The following SLC16A10 variants were observed in gnomAD, a reference collection of about 807,000 sequenced individuals.
The protein encoded by SLC16A10 is monocarboxylate transporter 10.
Under a neutral mutation model 40.0 loss-of-function variants are expected in SLC16A10, and 27 were observed. The ratio of observed to expected loss-of-function variants is 0.67; its 90% CI spans 0.50 to 0.93. The LOEUF (loss-of-function observed/expected upper bound fraction) is 0.93. SLC16A10 is among the 40% of genes least tolerant of loss of function. The probability of loss-of-function intolerance (pLI) is 0.00; values close to 1 mark genes in which losing one functional copy is unlikely to be tolerated. For synonymous variants in SLC16A10, 213 were observed against 249.8 expected (o/e 0.85, Z 1.39); for missense variants, 529 against 658.2 (o/e 0.80, Z 2.15).
chr6:111,121,530 C>G (rs1355541085), intron 1 of SLC16A10, among the ~76,000 whole-genome samples: 1 of 152,230 alleles, frequency 6.6e-6, no homozygotes, highest in East Asian at 1.9e-4. Context: ...CACTGCACCC[C>G]AGCTTGGGTG....
At chr6:111,130,642 A>C (rs1171748933) in intron 1 of SLC16A10, among the ~76,000 whole-genome samples, 1 of 152,010 alleles carries the variant, frequency 6.6e-6, no homozygotes, top group Non-Finnish European at 1.5e-5. Context: ...ACTTACCAGC[A>C]CCTCTGTTTC....
intron 1 of SLC16A10, among the ~76,000 whole-genome samples, chr6:111,135,452 A>C (rs1017823891): frequency 4.1e-4 from 63 of 152,146 alleles, no homozygotes; most frequent in Admixed American, 8.5e-4. Flanking sequence ...TTAGTGCAAG[A>C]TCTCAGGATT....
At chr6:111,106,386 T>G (rs1004304923) in intron 1 of SLC16A10, among the ~76,000 whole-genome samples, 3 of 152,222 alleles carry the variant, frequency 2.0e-5, no homozygotes, top group African/African-American at 7.2e-5. Flanking sequence ...TTTTGTACTT[T>G]GATTAGGAAA....
chr6:111,199,571 A>C (rs1773135081), intron 3 of SLC16A10, among the ~76,000 whole-genome samples: 1 of 152,208 alleles, frequency 6.6e-6, no homozygotes, highest in Admixed American at 6.5e-5. Context: ...TAACTTGTGA[A>C]ATATCTGGCA....
At chr6:111,213,961 A>G (rs548712260) in intron 4 of SLC16A10, among the ~76,000 whole-genome samples, 4 of 152,340 alleles carry the variant, frequency 2.6e-5, no homozygotes, top group Admixed American at 1.3e-4. Context: ...TATCTCCAAG[A>G]TGCCTTCTTT....
chr6:111,202,095 A>C (rs2114578571), intron 3 of SLC16A10, among the ~76,000 whole-genome samples: 1 of 152,312 alleles, frequency 6.6e-6, no homozygotes, highest in East Asian at 1.9e-4. Flanking sequence ...TCACTTTCTT[A>C]GGCTACTGCC....
intron 1 of SLC16A10, among the ~76,000 whole-genome samples, chr6:111,172,425 G>T (rs1489258791): frequency 6.6e-6 from 1 of 151,234 alleles, no homozygotes; most frequent in African/African-American, 2.4e-5. Context: ...TTTTTTTATT[G>T]TGAAATATAA....
intron 1 of SLC16A10, among the ~76,000 whole-genome samples, chr6:111,107,967 A>G (rs927773711): frequency 3.9e-5 from 6 of 152,136 alleles, no homozygotes; most frequent in African/African-American, 1.4e-4. Flanking sequence ...CCTCTCATCA[A>G]AAAAGGGCAA....
intron 1 of SLC16A10, among the ~76,000 whole-genome samples, chr6:111,130,513 AC>A (rs1771761850): frequency 2.6e-5 from 4 of 151,906 alleles, no homozygotes; most frequent in Non-Finnish European, 5.9e-5. Flanking sequence ...GCACTGTTGT[AC>A]TCTCAGCACT....
chr6:111,218,386 C>T (rs1770818886), intron 4 of SLC16A10, among the ~76,000 whole-genome samples: 1 of 152,166 alleles, frequency 6.6e-6, no homozygotes, highest in African/African-American at 2.4e-5. Context: ...CAAGACCAGC[C>T]TGCCCAACAT....
At chr6:111,088,451 C>T (rs1427732963) in intron 1 of SLC16A10, among the ~76,000 whole-genome samples, 2 of 152,200 alleles carry the variant, frequency 1.3e-5, no homozygotes, top group South Asian at 2.1e-4. Context: ...CAACCCCAGT[C>T]ATCGCCCTGT....
At chr6:111,189,244 T>A (rs1417787466) in intron 3 of SLC16A10, among the ~76,000 whole-genome samples, 1 of 152,162 alleles carries the variant, frequency 6.6e-6, no homozygotes, top group East Asian at 1.9e-4. Context: ...AAGAGACAAC[T>A]TTGGCCAGTC....
chr6:111,221,917 G>T, intron 5 of SLC16A10, 86 bp from the exon 6 acceptor site: 2 of 1,230,994 alleles, frequency 1.6e-6, no homozygotes, highest in Non-Finnish European at 2.2e-6. Context: ...TGATGTCTGA[G>T]ATGTCTGAAT....
chr6:111,138,081 A>C (rs1379258095), intron 1 of SLC16A10, among the ~76,000 whole-genome samples: 2 of 152,202 alleles, frequency 1.3e-5, no homozygotes, highest in Non-Finnish European at 2.9e-5. Flanking sequence ...CACAAAAACC[A>C]AACCAAACCA....
chr6:111,190,927 T>TC (rs1772980057), intron 3 of SLC16A10, among the ~76,000 whole-genome samples: 2 of 152,272 alleles, frequency 1.3e-5, no homozygotes, highest in Non-Finnish European at 2.9e-5. Context: ...TCTTGGCAAT[T>TC]AACATTGAGC....
chr6:111,106,465 C>G (rs1771286695), intron 1 of SLC16A10, among the ~76,000 whole-genome samples: 1 of 152,182 alleles, frequency 6.6e-6, no homozygotes, highest in African/African-American at 2.4e-5. Flanking sequence ...AATGCTTAAT[C>G]TAATTAATCT....
chr6:111,154,774 C>T (rs1243162806), intron 1 of SLC16A10, among the ~76,000 whole-genome samples: 1 of 152,096 alleles, frequency 6.6e-6, no homozygotes, highest in Non-Finnish European at 1.5e-5. Context: ...GGGCAGATCA[C>T]TTGAGGTCAG....
chr6:111,196,909 T>A (rs962279135), intron 3 of SLC16A10, among the ~76,000 whole-genome samples: 27 of 152,142 alleles, frequency 1.8e-4, no homozygotes, highest in Admixed American at 6.5e-4. Context: ...TGAGGAGGTG[T>A]TGGGTTCAGT....
chr6:111,095,837 T>G (rs942511959), intron 1 of SLC16A10, among the ~76,000 whole-genome samples: 2 of 152,258 alleles, frequency 1.3e-5, no homozygotes, highest in Admixed American at 6.5e-5. Context: ...TCCCTAGCCA[T>G]GTGGAACTGT....
Sources: allele counts gnomAD v4.1 joint callset (sites outside exome capture counted in the v4.1 genomes callset), GRCh38; gene constraint gnomAD v4.1.1; transcripts MANE v1.5; gene names NCBI Gene and HGNC (gene_info 2026-07-23, HGNC 2026-07-21).